The following PHLDB3 variants were observed in gnomAD, a reference collection of about 807,000 sequenced individuals.
PHLDB3 encodes pleckstrin homology-like domain family B member 3.
In PHLDB3, 86 loss-of-function variants were observed where a neutral mutation model predicts 85.7. The observed-to-expected ratio is 1.00, with a 90% CI of 0.84 to 1.20. The LOEUF (loss-of-function observed/expected upper bound fraction) is 1.20, where lower values mean the gene tolerates loss of function less well. Among genes scored for constraint, PHLDB3 ranks in the 50% most tolerant of loss-of-function variants. The probability of loss-of-function intolerance (pLI) is 0.00; values close to 1 mark genes in which losing one functional copy is unlikely to be tolerated. For missense variants in PHLDB3, 995 were observed against 873.0 expected (o/e 1.14, Z -1.76); for synonymous variants, 376 against 349.8 (o/e 1.07, Z -0.83).
In PHLDB3 at chr19:43,495,480, T is replaced by G; in HGVS notation, c.951+15A>C. On this transcript the variant is annotated intron_variant, in intron 7 of 15. Transcript: ENST00000292140. ...AGTGAGGACGGTAGGGTAGGGCAGG[T>G]GACAGGTAGCTCACCTGTGACAGGG... is the stretch of plus-strand genomic sequence containing the variant. 1 of 1,606,220 alleles carries G rather than the reference T, an allele frequency of 6.2e-7. No individual in the cohort carries two copies. Among genetic ancestry groups the G allele is most frequent in the African/African-American group, 1.3e-5 (1 of 74,848 alleles).
chr19:43,479,202 G>C (rs1282907047), intron 14 of PHLDB3, among the ~76,000 whole-genome samples, 175 bp downstream of exon 14: 1 of 152,188 alleles, frequency 6.6e-6, no homozygotes, highest in Non-Finnish European at 1.5e-5. Context: ...GGAGGAGAGA[G>C]AGAGCTGGGA....
intron 9 of PHLDB3, among the ~76,000 whole-genome samples, chr19:43,494,397 G>A (rs921756571): frequency 4.6e-5 from 7 of 151,178 alleles, no homozygotes; most frequent in Admixed American, 2.6e-4. Flanking sequence ...AAGTAGCTGC[G>A]TTACTTCTGA....
rs767628768 is a variant in PHLDB3, at chr19:43,501,730, A to C, written c.534+4T>G. Reference sequence around the variant, plus strand: ...CTGATGAAGACCCGGTGAGCCAAACAGACCTGTTCCCGCTGCTGGCGGCCG... The same window carrying C: ...CTGATGAAGACCCGGTGAGCCAAACCGACCTGTTCCCGCTGCTGGCGGCCG... On this transcript the variant is annotated splice_donor_region_variant and intron_variant, in intron 4 of 15. Coordinates refer to ENST00000292140, the MANE Select transcript of PHLDB3 (RefSeq NM_198850.4). 5 of 1,568,612 alleles carry C rather than the reference A, an allele frequency of 3.2e-6. No homozygotes were observed. In the African/African-American group the frequency reaches 4.1e-5, roughly 13 times the overall value.
chr19:43,494,878 C>T, intron 8 of PHLDB3, 63 bp from the exon 9 acceptor site: 1 of 1,276,688 alleles, frequency 7.8e-7, no homozygotes. Context: ...TGCCAGTTTC[C>T]ACGTGCTCTG....
At chr19:43,500,895 G>GCACCCCCCCCCCTTCCCCC (rs1971571395) in intron 4 of PHLDB3, among the ~76,000 whole-genome samples, 1 of 33,560 alleles carries the variant, frequency 3.0e-5, no homozygotes, top group Non-Finnish European at 5.3e-5. Context: ...CTCCCACTTT[G>GCACCCCCCCCCCTTCCCCC]CCCCGCCCCC....
At chr19:43,493,876 T>C (rs747897797) in intron 9 of PHLDB3, among the ~76,000 whole-genome samples, 50 of 151,946 alleles carry the variant, frequency 3.3e-4, no homozygotes, top group Non-Finnish European at 7.1e-4. Context: ...ACCAGAAGGG[T>C]TTCAGATTTG....
intron 13 of PHLDB3, among the ~76,000 whole-genome samples, chr19:43,482,967 G>A (rs1971078541): frequency 6.6e-6 from 1 of 152,164 alleles, no homozygotes; most frequent in South Asian, 2.1e-4. Context: ...TATTGATGTT[G>A]CTTTGTGTCC....
rs1229254816 is a variant in PHLDB3 at position 43,502,293 on chromosome 19, A to AG, written c.214-11dup. 2 of 1,548,102 alleles carry AG rather than the reference A, an allele frequency of 1.3e-6. No homozygotes were observed. Among genetic ancestry groups the AG allele is most frequent in the African/African-American group, 1.4e-5 (1 of 73,528 alleles). On this transcript the variant is annotated splice_polypyrimidine_tract_variant and intron_variant, in intron 2 of 15. Coordinates refer to ENST00000292140, the MANE Select transcript of PHLDB3 (RefSeq NM_198850.4). ...GAGGCGTAGCCTCGGGCTGAAGTTG[A>AG]GGGGGGCGTGGTTAAGTGGAGATGC...
chr19:43,488,981 G>T (rs897502402), intron 9 of PHLDB3, among the ~76,000 whole-genome samples: 1 of 152,006 alleles, frequency 6.6e-6, no homozygotes, highest in East Asian at 1.9e-4. Context: ...TGTATTTTTA[G>T]TAGAGATGGG....
At chr19:43,494,364 G>A (rs1971391714) in intron 9 of PHLDB3, among the ~76,000 whole-genome samples, 1 of 148,184 alleles carries the variant, frequency 6.7e-6, no homozygotes, top group East Asian at 2.0e-4. Context: ...TTTTAAGGAA[G>A]TCTAGAAGGA....
rs565293151 is a variant in PHLDB3 at position 43,475,411 on chromosome 19, C to T, written c.1922G>A (p.Ter641=). 7 of 1,613,882 alleles carry T rather than the reference C, an allele frequency of 4.3e-6. No homozygotes were observed. The Admixed American group carries it at 1.2e-4, about 27-fold the overall frequency. Residue 641 remains the stop codon, a stop_retained_variant, in exon 16 of 16, where the codon TGA becomes TAA. Coordinates refer to ENST00000292140, the MANE Select transcript of PHLDB3 (RefSeq NM_198850.4). ...VTAADENHAP[*] Reference sequence around the variant, plus strand: ...TTCCCCCCAAGAGGGCGGGGCCACTCAGGGGGCGTGGTTTTCGTCAGCGGC... The same window carrying T: ...TTCCCCCCAAGAGGGCGGGGCCACTTAGGGGGCGTGGTTTTCGTCAGCGGC...
At chr19:43,493,949 C>T (rs574556063) in intron 9 of PHLDB3, among the ~76,000 whole-genome samples, 3 of 152,252 alleles carry the variant, frequency 2.0e-5, no homozygotes, top group South Asian at 2.1e-4. Flanking sequence ...CTCTGAAACC[C>T]AAACTGCTCC....
intron 13 of PHLDB3, among the ~76,000 whole-genome samples, chr19:43,484,080 C>T (rs1190009682): frequency 6.6e-6 from 1 of 151,724 alleles, no homozygotes; most frequent in Non-Finnish European, 1.5e-5. Context: ...GGTGAAACCC[C>T]GTCTCTACTA....
rs1167897767 is a variant in PHLDB3, at chr19:43,487,591, A to AAAAAAAAAAAAAC, written c.1150-469_1150-468insGTTTTTTTTTTTT. ...CTCTGTCTCAAAAAAAAAAAAAAAA[A>AAAAAAAAAAAAAC]ACACAGAAAAGAAAAAAAGAAATGT... On this transcript the variant is annotated intron_variant, in intron 9 of 15. Transcript: ENST00000292140. Among the ~76,000 whole-genome samples the AAAAAAAAAAAAAC allele has an allele frequency of 3.2e-4, 37 of 115,752 alleles. 1 individual carries two copies. The highest frequency in any genetic ancestry group is 5.6e-4 in the African/African-American group (18 of 32,010). The allele number at this position is 115,752 out of a possible 152,430, so 75.9% of individuals were successfully genotyped here.
chr19:43,486,918 A>C, intron 10 of PHLDB3, 48 bp from the exon 11 acceptor site: 1 of 1,489,572 alleles, frequency 6.7e-7, no homozygotes, highest in Non-Finnish European at 9.0e-7. Context: ...CCCTGGCCTG[A>C]GCCTATCCAC....
intron 13 of PHLDB3, among the ~76,000 whole-genome samples, chr19:43,480,238 G>A (rs1415242707): frequency 6.9e-6 from 1 of 144,718 alleles, no homozygotes; most frequent in African/African-American, 2.6e-5. Flanking sequence ...ACCAGCCTGG[G>A]CAACACAGAA....
At chr19:43,501,999 A>C in intron 3 of PHLDB3, 102 bp downstream of exon 3, 1 of 1,489,498 alleles carries the variant, frequency 6.7e-7, no homozygotes, top group South Asian at 1.3e-5. Context: ...GGAAGAGCGG[A>C]GGGCCTAAAA....
At chr19:43,476,495 AAAAAC>A (rs1325102494) in intron 15 of PHLDB3, among the ~76,000 whole-genome samples, 3 of 152,124 alleles carry the variant, frequency 2.0e-5, no homozygotes, top group South Asian at 2.1e-4. Flanking sequence ...AAAATACCAG[AAAAAC>A]AAAACAAAAC....
At chr19:43,486,348 A>G in intron 12 of PHLDB3, 26 bp from the exon 13 acceptor site, 2 of 1,593,808 alleles carry the variant, frequency 1.3e-6, no homozygotes, top group African/African-American at 1.3e-5. Flanking sequence ...GAAGCACTCA[A>G]TGAGGATCCC....
Sources: gnomAD v4.1 joint callset for allele counts (sites outside exome capture counted in the v4.1 genomes callset) on GRCh38, gnomAD v4.1.1 for gene constraint, MANE v1.5 for transcripts, NCBI Gene and HGNC (gene_info 2026-07-23, HGNC 2026-07-21) for gene names.